PODXL: variants seen among roughly 807,000 people sequenced by gnomAD.
The protein encoded by PODXL is podocalyxin like, also known as podocalyxin.
A neutral mutation model predicts 48.9 loss-of-function variants in PODXL; 20 were observed. The ratio of observed to expected loss-of-function variants is 0.41; its 90% CI spans 0.29 to 0.59. The LOEUF (loss-of-function observed/expected upper bound fraction) is 0.59, where lower values mean the gene tolerates loss of function less well. Among genes scored for constraint, PODXL ranks in the 20% least tolerant of loss-of-function variants. PODXL has a pLI of 0.31. For synonymous variants in PODXL, 295 were observed against 287.4 expected (o/e 1.03, Z -0.27); for missense variants, 606 against 675.1 (o/e 0.90, Z 1.13).
At position 131,510,906 on chromosome 7, in the gene PODXL, T is replaced by C. The variant is rs779030131; in HGVS notation, c.628A>G (p.Met210Val). The C allele has an allele frequency of 1.9e-6, 3 of 1,614,166 alleles. No individual in the cohort carries two copies. Among genetic ancestry groups the C allele is most frequent in the South Asian group, 1.1e-5 (1 of 91,070 alleles). The change falls in exon 2 of 9, where the codon ATG (methionine) becomes GTG (valine). Residue 210 changes from methionine to valine, a missense_variant. Coordinates refer to ENST00000378555, the MANE Select transcript of PODXL (RefSeq NM_001018111.3). ...GTGCTTGAACTGCTTGAAATTTTCATAAGATGGTCATGTCCCGAGCTTGTT... is the reference window on the plus strand; with the variant it reads ...GTGCTTGAACTGCTTGAAATTTTCACAAGATGGTCATGTCCCGAGCTTGTT... ...TPTSSGHDHL[M>V]KISSSSSTVA... is the part of the protein sequence containing the mutation.
In PODXL at chr7:131,501,152, TAA is replaced by T. The variant is rs1315286849; in HGVS notation, c.*3157_*3158del. On this transcript the variant is annotated 3_prime_UTR_variant, in exon 9 of 9. Coordinates refer to ENST00000378555, the MANE Select transcript of PODXL (RefSeq NM_001018111.3). ...GATCTACAAGACAAATACTTTATCATAAGTTTGTCTTGTTATATTTCATTTTT... is the reference window on the plus strand; with the variant it reads ...GATCTACAAGACAAATACTTTATCATGTTTGTCTTGTTATATTTCATTTTT... The T allele has an allele frequency of 3.3e-5, 5 of 152,472 alleles. No homozygotes were observed. The highest frequency in any genetic ancestry group is 1.9e-4 in the East Asian group (1 of 5,194). The allele number at this position is 152,472 out of a possible 1,614,324, so 9.4% of individuals were successfully genotyped here. A position where few individuals can be genotyped will look rare whatever the true frequency, so the allele number is the denominator to read the frequency against.
Position 131,504,464 on chromosome 7 carries a change from A to C in PODXL, c.1524T>G (p.His508Gln). 1 of 1,614,196 alleles carries C rather than the reference A, an allele frequency of 6.2e-7. No homozygotes were observed. The highest frequency in any genetic ancestry group is 8.5e-7 in the Non-Finnish European group (1 of 1,180,022). Residue 508 changes from histidine (H) to glutamine (Q), a missense_variant, in exon 9 of 9, where the codon CAT (histidine) becomes CAG (glutamine). Coordinates refer to ENST00000378555, the MANE Select transcript of PODXL (RefSeq NM_001018111.3). ...EELQTVENGYHDNPTLEVMET... is the reference protein window; with the variant it reads ...EELQTVENGYQDNPTLEVMET... ...CCATCACTTCCAGTGTTGGGTTGTC[A>C]TGGTAACCATTCTCCACTGTCTGCA...
intron 1 of PODXL, among the ~76,000 whole-genome samples, chr7:131,511,747 C>T (rs535984187): frequency 1.3e-5 from 2 of 152,180 alleles, no homozygotes; most frequent in South Asian, 2.1e-4. Context: ...TGAGCCACCA[C>T]GCCTGGCATG....
In PODXL at chr7:131,511,184, G is replaced by A. The variant is rs770741766; in HGVS notation, c.350C>T (p.Thr117Ile). The change falls in exon 2 of 9, where the codon ACT (threonine) becomes ATT (isoleucine). Residue 117 changes from threonine (T) to isoleucine (I), a missense_variant. Thr to Ile is a moderately conservative substitution (Grantham distance 89). Transcript: ENST00000378555. Reference protein sequence around the residue: ...VARGGGSGNPTTTIESPKSTK... With the variant: ...VARGGGSGNPITTIESPKSTK... ...GCTCTTGGGGCTCTCGATGGTGGTA[G>A]TAGGGTTGCCTGAGCCGCCTCCTCT... is the stretch of plus-strand genomic sequence containing the variant. The A allele has an allele frequency of 1.2e-6, 2 of 1,614,092 alleles. No homozygotes were observed. Among genetic ancestry groups the A allele is most frequent in the Non-Finnish European group, 1.7e-6 (2 of 1,180,010 alleles).
Position 131,556,318 on chromosome 7 carries a change from C to CA in PODXL, c.41dup (p.Leu14PhefsTer30). On this transcript the variant is annotated frameshift_variant, in exon 1 of 9. Coordinates refer to ENST00000378555, the MANE Select transcript of PODXL (RefSeq NM_001018111.3). LOFTEE classifies it high-confidence loss of function. ...ACGACGGCAGCAGCGGCGGCGTTGACAACAGTAGCAGCAGCGCCGAGAGCG... is the reference window on the plus strand; with the variant it reads ...ACGACGGCAGCAGCGGCGGCGTTGACAAACAGTAGCAGCAGCGCCGAGAGCG... 1.3e-6 allele frequency: 2 copies of CA among 1,506,284 alleles called. No individual in the cohort carries two copies. Among genetic ancestry groups the CA allele is most frequent in the Non-Finnish European group, 1.8e-6 (2 of 1,131,206 alleles). 93.3% of individuals were successfully genotyped at this position (1,506,284 alleles called of 1,614,324 possible).
chr7:131,544,176 T>C (rs1049817906), intron 1 of PODXL, among the ~76,000 whole-genome samples: 1 of 152,184 alleles, frequency 6.6e-6, no homozygotes, highest in Non-Finnish European at 1.5e-5. Context: ...TGGACCCTGC[T>C]GGTTTTCTTC....
chr7:131,514,282 C>T (rs1438058437), intron 1 of PODXL, among the ~76,000 whole-genome samples: 6 of 151,980 alleles, frequency 3.9e-5, no homozygotes, highest in Admixed American at 1.3e-4. Context: ...GGCGTGGTGG[C>T]GGGCACCTGT....
intron 1 of PODXL, among the ~76,000 whole-genome samples, chr7:131,530,259 G>A (rs1458238971): frequency 6.6e-6 from 1 of 151,860 alleles, no homozygotes; most frequent in African/African-American, 2.4e-5. Flanking sequence ...GAGGCAGGGT[G>A]GCATGGGAGA....
chr7:131,518,244 T>C (rs1302793770), intron 1 of PODXL, among the ~76,000 whole-genome samples: 1 of 152,186 alleles, frequency 6.6e-6, no homozygotes, highest in Non-Finnish European at 1.5e-5. Flanking sequence ...TGCTCTCCTA[T>C]ATCCTCGTGA....
At chr7:131,519,961 G>A (rs1427676211) in intron 1 of PODXL, among the ~76,000 whole-genome samples, 3 of 152,106 alleles carry the variant, frequency 2.0e-5, no homozygotes, top group Non-Finnish European at 4.4e-5. Flanking sequence ...CTGGGCTCAA[G>A]GGATCCATCT....
In PODXL at chr7:131,510,250, C is replaced by G. The variant is rs1337323360; in HGVS notation, c.788G>C (p.Ser263Thr). The G allele has an allele frequency of 4.6e-6, 2 of 437,176 alleles. No individual in the cohort carries two copies. Among genetic ancestry groups the G allele is most frequent in the Non-Finnish European group, 9.1e-6 (2 of 219,904 alleles). 27.1% of individuals were successfully genotyped at this position (437,176 alleles called of 1,614,324 possible). The change falls in exon 3 of 9, where the codon AGT becomes ACT. Residue 263 changes from serine (S) to threonine (T), a missense_variant. Ser to Thr is a moderately conservative substitution (Grantham distance 58). Transcript: ENST00000378555. ...SGDLPTLASQ[S>T]AGITASSVIS... ...GTGGCTCATACCTGTAATCCCAGCA[C>G]TTTGGGAGGCCAAGGTGGGCAGATC...
At chr7:131,540,687 G>A (rs1306200826) in intron 1 of PODXL, among the ~76,000 whole-genome samples, 5 of 152,150 alleles carry the variant, frequency 3.3e-5, no homozygotes, top group Admixed American at 6.5e-5. Context: ...GAGGGAGCAC[G>A]TTGTCTTTCC....
chr7:131,555,861 C>A (rs906607875), intron 1 of PODXL, among the ~76,000 whole-genome samples: 1 of 152,232 alleles, frequency 6.6e-6, no homozygotes, highest in African/African-American at 2.4e-5. Context: ...TTAACGAATA[C>A]ACACTACAGC....
At chr7:131,509,272 C>T (rs750382598) in intron 4 of PODXL, 93 bp downstream of exon 4, 4 of 1,044,514 alleles carry the variant, frequency 3.8e-6, no homozygotes, top group Non-Finnish European at 6.0e-6. Flanking sequence ...AGCCAGGGGC[C>T]CTGCGTTGGA....
rs1224149782 is a variant in PODXL, at chr7:131,503,354, A to G, written c.*957T>C. Reference sequence around the variant, plus strand: ...ACAACAAAAGGAACACGCTGCTCTCACTAGCTACAGCAGATTTTAGTCCCT... The same window carrying G: ...ACAACAAAAGGAACACGCTGCTCTCGCTAGCTACAGCAGATTTTAGTCCCT... On this transcript the variant is annotated 3_prime_UTR_variant, in exon 9 of 9. Transcript: ENST00000378555. 6.6e-6 allele frequency: 1 copy of G among 152,326 alleles called. No homozygotes were observed. Among genetic ancestry groups the G allele is most frequent in the Non-Finnish European group, 1.5e-5 (1 of 68,070 alleles). 9.4% of individuals were successfully genotyped at this position (152,326 alleles called of 1,614,324 possible).
chr7:131,515,387 T>C (rs183847733), intron 1 of PODXL, among the ~76,000 whole-genome samples: 22 of 152,190 alleles, frequency 1.4e-4, no homozygotes, highest in African/African-American at 5.3e-4. Flanking sequence ...AGGTCTCTTA[T>C]GTGAAAATAG....
rs57935236 is a variant in PODXL at position 131,526,739 on chromosome 7, C to CTTTTTTTTTTTTTT, written c.101-15320_101-15307dup. Among the ~76,000 whole-genome samples, 7 of 90,498 alleles carry CTTTTTTTTTTTTTT rather than the reference C, an allele frequency of 7.7e-5. 1 individual carries two copies. The highest frequency in any genetic ancestry group is 1.8e-4 in the African/African-American group (4 of 22,558). The allele number at this position is 90,498 out of a possible 152,430, so 59.4% of individuals were successfully genotyped here. On this transcript the variant is annotated intron_variant, in intron 1 of 8. Transcript: ENST00000378555. ...TTGTTCAATCCACAACTTCCTTACT[C>CTTTTTTTTTTTTTT]TTTTTTTTTTTTTTTTTTTTGAGAC...
intron 1 of PODXL, among the ~76,000 whole-genome samples, chr7:131,512,601 G>C (rs940164949): frequency 2.0e-5 from 3 of 152,242 alleles, no homozygotes; most frequent in South Asian, 2.1e-4. Flanking sequence ...TCAGGTTCAG[G>C]GCTGAGAAAA....
In PODXL at chr7:131,505,967, C is replaced by T. The variant is rs375652497; in HGVS notation, c.1380G>A (p.Met460Ile). The T allele has an allele frequency of 3.1e-6, 5 of 1,610,454 alleles. No individual in the cohort carries two copies. The highest frequency in any genetic ancestry group is 4.2e-6 in the Non-Finnish European group (5 of 1,178,834). ...TGCAGACGATGGTGATGATGAGGGG[C>T]ATGCTGAAGCGGTCCTCGGCCTCCT... ...PPEEAEDRFSMPLIITIVCMA... is the reference protein window; with the variant it reads ...PPEEAEDRFSIPLIITIVCMA... The change falls in exon 8 of 9, where the codon ATG becomes ATA. Residue 460 changes from methionine to isoleucine, a missense_variant. Coordinates refer to ENST00000378555, the MANE Select transcript of PODXL (RefSeq NM_001018111.3).
Sources: gnomAD v4.1 joint callset for allele counts (sites outside exome capture counted in the v4.1 genomes callset) on GRCh38, gnomAD v4.1.1 for gene constraint, MANE v1.5 for transcripts, NCBI Gene and HGNC (gene_info 2026-07-23, HGNC 2026-07-21) for gene names.